The following RCC1 variants were observed in gnomAD, a reference collection of about 807,000 sequenced individuals.
RCC1 encodes regulator of chromosome condensation.
RCC1 carries 11 observed loss-of-function variants against 44.4 expected under a neutral mutation model. That is an observed-to-expected ratio of 0.25 (90% CI 0.16 to 0.41). RCC1 has a LOEUF of 0.41. Ranked by LOEUF, RCC1 falls within the 10% of genes least tolerant of loss-of-function variation. RCC1 has a pLI of 1.00. For missense variants in RCC1, 386 were observed against 547.1 expected (o/e 0.71, Z 2.94); for synonymous variants, 213 against 216.5 (o/e 0.98, Z 0.14).
rs776224457 is a variant in RCC1, at chr1:28,532,183, G to A, written c.274G>A (p.Gly92Ser). The change falls in exon 7 of 13, where the codon GGC becomes AGC. Residue 92 changes from glycine to serine, a missense_variant. Transcript: ENST00000683442. ...ATCCTGGGCACAGGTCTATTCCTTCGGCTGCAATGATGAGGGTGCCCTGGG... is the reference window on the plus strand; with the variant it reads ...ATCCTGGGCACAGGTCTATTCCTTCAGCTGCAATGATGAGGGTGCCCTGGG... ...LSKSGQVYSFGCNDEGALGRD... is the reference protein window; with the variant it reads ...LSKSGQVYSFSCNDEGALGRD... The A allele has an allele frequency of 1.9e-6, 3 of 1,613,062 alleles. No individual in the cohort carries two copies. Among genetic ancestry groups the A allele is most frequent in the East Asian group, 2.2e-5 (1 of 44,866 alleles).
Position 28,536,719 on chromosome 1 carries a change from T to C in RCC1, c.938-28T>C. On this transcript the variant is annotated intron_variant, in intron 11 of 12. Coordinates refer to ENST00000683442, the MANE Select transcript of RCC1 (RefSeq NM_001381865.2). This position sits in a 1 kb window ranked among gnomAD's most constrained non-coding sequence, Gnocchi z 4.9. ...TTTGCCTGTAGCACGCCCTCTGCTATTGCTCATCTCTCTCCCTCCTCCCAT... is the reference window on the plus strand; with the variant it reads ...TTTGCCTGTAGCACGCCCTCTGCTACTGCTCATCTCTCTCCCTCCTCCCAT... The C allele has an allele frequency of 6.2e-7, 1 of 1,611,572 alleles. No homozygotes were observed. The highest frequency in any genetic ancestry group is 1.3e-5 in the African/African-American group (1 of 75,008).
Position 28,536,118 on chromosome 1 carries a change from C to G in RCC1, c.817+92C>G. ...ATTCATTGTGCATCCTTTGCGGGGT[C>G]GTCTAACCCCTCCAAGCCAGTTTTG... On this transcript the variant is annotated intron_variant, in intron 10 of 12. Coordinates refer to ENST00000683442, the MANE Select transcript of RCC1 (RefSeq NM_001381865.2). The surrounding 1 kb of genome is among the most constrained non-coding windows in gnomAD (Gnocchi z 4.9). 1 of 1,538,354 alleles carries G rather than the reference C, an allele frequency of 6.5e-7. No individual in the cohort carries two copies. Among genetic ancestry groups the G allele is most frequent in the Non-Finnish European group, 8.8e-7 (1 of 1,138,370 alleles).
Position 28,532,320 on chromosome 1 carries a change from T to C in RCC1, c.411T>C (p.Asp137=). Residue 137 remains aspartate, a synonymous_variant, in exon 7 of 13, where the codon GAT becomes GAC. Transcript: ENST00000683442. ...GDSHTAALTD[D]GRVFLWGSFR... is the part of the protein sequence containing the mutation. ...GTCACACAGCAGCCCTCACCGATGA[T>C]GGCCGTGTCTTCCTCTGGGGCTCCT... is the stretch of plus-strand genomic sequence containing the variant. The C allele has an allele frequency of 6.2e-7, 1 of 1,614,108 alleles. No homozygotes were observed. The highest frequency in any genetic ancestry group is 1.1e-5 in the South Asian group (1 of 91,080).
intron 2 of RCC1, chr1:28,508,489 C>T (rs141615797): frequency 7.3e-4 from 339 of 462,254 alleles, no homozygotes; most frequent in African/African-American, 6.3e-3. Context: ...GATACTAGCC[C>T]TTGAAAATAC....
intron 6 of RCC1, 86 bp downstream of exon 6, chr1:28,532,076 G>C: frequency 6.4e-7 from 1 of 1,565,136 alleles, no homozygotes; most frequent in South Asian, 1.2e-5. Context: ...CATGTTCACT[G>C]TGGAAATGGA....
In RCC1 at chr1:28,526,290, A is replaced by AAAAC. The variant is rs368368026; in HGVS notation, c.-9-3548_-9-3545dup. The AAAAC allele has an allele frequency of 2.2e-4, 55 of 253,238 alleles. 1 individual carries two copies. The highest frequency in any genetic ancestry group is 1.6e-3 in the Middle Eastern group (2 of 1,222). 15.7% of individuals were successfully genotyped at this position (253,238 alleles called of 1,614,324 possible). On this transcript the variant is annotated intron_variant, in intron 4 of 12. Coordinates refer to ENST00000683442, the MANE Select transcript of RCC1 (RefSeq NM_001381865.2). ...ACAGAGAGTGAGATGCTGTCTCAAA[A>AAAAC]AAACAAACAAACAAACAAACAAAAA...
intron 4 of RCC1, among the ~76,000 whole-genome samples, chr1:28,526,055 C>T (rs377735660): frequency 2.6e-5 from 4 of 151,996 alleles, no homozygotes; most frequent in Non-Finnish European, 5.9e-5. Context: ...GAGGCTGAGG[C>T]GGGTAGATCG....
rs4491036 is a variant in RCC1, at chr1:28,508,984, A to C, written c.-153+79A>C. On this transcript the variant is annotated intron_variant, in intron 3 of 12. Transcript: ENST00000683442. ...GGAGCAAAAGATTGAGGTGCATTTC[A>C]TGCCTCCTTTTGAGAGTCTTGCTCT... The C allele has an allele frequency of 1.9e-3, 848 of 446,484 alleles. 4 individuals carry two copies. Among genetic ancestry groups the C allele is most frequent in the South Asian group, 4.2e-3 (265 of 62,846 alleles). 27.7% of individuals were successfully genotyped at this position (446,484 alleles called of 1,614,324 possible). A position where few individuals can be genotyped will look rare whatever the true frequency, so the allele number is the denominator to read the frequency against.
At position 28,536,542 on chromosome 1, in the gene RCC1, G is replaced by A. The variant is rs890410360; in HGVS notation, c.937+161G>A. ...ACTCTCATCCTCCTAGAGTCCTGGTGTTCTTCCAAGTGTGAGTTCAATGGG... is the reference window on the plus strand; with the variant it reads ...ACTCTCATCCTCCTAGAGTCCTGGTATTCTTCCAAGTGTGAGTTCAATGGG... On this transcript the variant is annotated intron_variant, in intron 11 of 12. Transcript: ENST00000683442. The surrounding 1 kb of genome is among the most constrained non-coding windows in gnomAD (Gnocchi z 4.9). 2.0e-5 allele frequency among the ~76,000 whole-genome samples: 3 copies of A among 152,150 alleles called. No individual in the cohort carries two copies. Among genetic ancestry groups the A allele is most frequent in the African/African-American group, 7.2e-5 (3 of 41,428 alleles).
intron 5 of RCC1, among the ~76,000 whole-genome samples, chr1:28,531,259 CTTTTTCT>C (rs1418152767): frequency 1.1e-4 from 15 of 132,452 alleles, no homozygotes; most frequent in African/African-American, 3.7e-4. Context: ...GCTTTCTTTT[CTTTTTCT>C]TTTTTTTTTT....
chr1:28,507,342 A>G (rs1333198861), intron 1 of RCC1: 1 of 517,382 alleles, frequency 1.9e-6, no homozygotes. Flanking sequence ...TGGATTCTGT[A>G]AATTTATGCG....
rs757988519 is a variant in RCC1 at position 28,535,392 on chromosome 1, T to A, written c.661+12T>A. 2.5e-6 allele frequency: 4 copies of A among 1,613,730 alleles called. No individual in the cohort carries two copies. Among genetic ancestry groups the A allele is most frequent in the Non-Finnish European group, 2.5e-6 (3 of 1,179,864 alleles). The stretch of plus-strand genomic sequence containing the variant: ...CCGGCAAGGCCTCGGTAAGTGGCCT[T>A]GGTACCTCCAGCAGGGCAAATTGGC... On this transcript the variant is annotated intron_variant, in intron 9 of 12. Transcript: ENST00000683442.
chr1:28,514,886 T>G (rs1024866154), intron 3 of RCC1, among the ~76,000 whole-genome samples: 2 of 151,850 alleles, frequency 1.3e-5, no homozygotes, highest in African/African-American at 2.4e-5. Flanking sequence ...AAAAAATAAA[T>G]AAATATTTCT....
At chr1:28,508,483 C>G (rs1004000659) in intron 2 of RCC1, 2 of 456,906 alleles carry the variant, frequency 4.4e-6, no homozygotes, top group African/African-American at 4.0e-5. Flanking sequence ...GAGAAAGATA[C>G]TAGCCCTTGA....
chr1:28,531,684 T>C, intron 5 of RCC1, 119 bp from the exon 6 acceptor site: 1 of 748,606 alleles, frequency 1.3e-6, no homozygotes, highest in Non-Finnish European at 2.0e-6. Context: ...AGAAAGTTCA[T>C]ACTAACAGTC....
At chr1:28,524,818 G>C (rs939879656) in intron 4 of RCC1, among the ~76,000 whole-genome samples, 14 of 152,084 alleles carry the variant, frequency 9.2e-5, no homozygotes, top group African/African-American at 3.4e-4. Context: ...CTCAAGTCTG[G>C]GCAGGACCCT....
chr1:28,528,376 A>T (rs879939926), intron 4 of RCC1, among the ~76,000 whole-genome samples: 5 of 152,228 alleles, frequency 3.3e-5, no homozygotes, highest in African/African-American at 4.8e-5. Context: ...GAATCACTTG[A>T]ACCCAGGAGG....
intron 4 of RCC1, among the ~76,000 whole-genome samples, chr1:28,524,558 T>TA (rs1420583564): frequency 1.3e-5 from 2 of 151,800 alleles, no homozygotes; most frequent in Admixed American, 6.6e-5. Flanking sequence ...CCCCCTCTCT[T>TA]AAAAAAATAA....
intron 9 of RCC1, chr1:28,535,647 C>A: frequency 1.3e-6 from 1 of 757,700 alleles, no homozygotes; most frequent in Non-Finnish European, 2.3e-6. Context: ...AGAAGAATAT[C>A]AGGCAGATGG....
Sources: allele counts gnomAD v4.1 joint callset (sites outside exome capture counted in the v4.1 genomes callset), GRCh38; gene constraint gnomAD v4.1.1; non-coding constraint Gnocchi (gnomAD v3.1); transcripts MANE v1.5; gene names NCBI Gene and HGNC (gene_info 2026-07-23, HGNC 2026-07-21).